FAAH2: variants seen among roughly 807,000 people sequenced by gnomAD.
The protein encoded by FAAH2 is fatty-acid amide hydrolase 2.
Under a neutral mutation model 36.9 loss-of-function variants are expected in FAAH2, and 60 were observed. That is an observed-to-expected ratio of 1.63 (90% CI 1.32 to 2.02). The LOEUF is 2.02. Ranked by LOEUF, FAAH2 falls within the 30% of genes most tolerant of loss-of-function variation. FAAH2 has a pLI of 0.00. For missense variants in FAAH2, 689 were observed against 397.5 expected (o/e 1.73, Z -6.23); for synonymous variants, 214 against 143.8 (o/e 1.49, Z -3.49).
At chrX:57,157,267 T>G in the FAAH2 span, among the ~76,000 whole-genome samples, 5 of 111,582 alleles carry the variant, frequency 4.5e-5, no homozygotes, top group African/African-American at 1.6e-4. Flanking sequence ...TCAATTCCAT[T>G]CCACAGCATC....
intron 2 of FAAH2, among the ~76,000 whole-genome samples, chrX:57,308,545 T>G (rs926626998): frequency 8.9e-6 from 1 of 112,081 alleles, no homozygotes; most frequent in Non-Finnish European, 1.9e-5. Flanking sequence ...CTCTGTTGGA[T>G]GCATAGTTTG....
At chrX:57,383,830 G>C (rs1483067834) in intron 7 of FAAH2, among the ~76,000 whole-genome samples, 2 of 111,691 alleles carry the variant, frequency 1.8e-5, no homozygotes, top group African/African-American at 3.3e-5. Flanking sequence ...CTACTTTGAA[G>C]TTCATATGGA....
chrX:57,293,292 G>T (rs1417466217), intron 2 of FAAH2, among the ~76,000 whole-genome samples: 1 of 111,528 alleles, frequency 9.0e-6, no homozygotes, highest in African/African-American at 3.3e-5. Context: ...TACACATATT[G>T]AAAACCTATC....
At chrX:57,250,640 A>C in the FAAH2 span, among the ~76,000 whole-genome samples, 2 of 110,936 alleles carry the variant, frequency 1.8e-5, no homozygotes, top group East Asian at 5.6e-4. Context: ...ATTTTTGTCT[A>C]CTAAAATAAT....
At chrX:57,418,544 C>A (rs2055909440) in intron 7 of FAAH2, among the ~76,000 whole-genome samples, 1 of 110,698 alleles carries the variant, frequency 9.0e-6, no homozygotes, top group Admixed American at 9.6e-5. Context: ...TTTGGCTCAT[C>A]CTCCATGGGC....
the FAAH2 span, among the ~76,000 whole-genome samples, chrX:57,257,705 T>G: frequency 4.6e-5 from 5 of 108,731 alleles, no homozygotes; most frequent in Non-Finnish European, 9.6e-5. Context: ...AAAAAGAAAA[T>G]AAAATCATAC....
At chrX:57,426,598 A>G (rs2056168609) in intron 7 of FAAH2, among the ~76,000 whole-genome samples, 1 of 111,942 alleles carries the variant, frequency 8.9e-6, no homozygotes, top group African/African-American at 3.2e-5. Context: ...TCCAAAAGGA[A>G]CCCTTGAACT....
the FAAH2 span, among the ~76,000 whole-genome samples, chrX:57,262,000 C>T: frequency 5.4e-5 from 4 of 73,632 alleles, no homozygotes; most frequent in Non-Finnish European, 4.3e-5. Context: ...TTATTGTTTA[C>T]GTGACTTGGT....
intron 2 of FAAH2, among the ~76,000 whole-genome samples, chrX:57,295,914 C>A (rs182639366): frequency 5.3e-5 from 6 of 112,228 alleles, no homozygotes; most frequent in Non-Finnish European, 1.1e-4. Flanking sequence ...GGGGGAGGGG[C>A]GCCTTTGCTC....
At chrX:57,196,763 T>TA in the FAAH2 span, among the ~76,000 whole-genome samples, 1 of 111,505 alleles carries the variant, frequency 9.0e-6, no homozygotes, top group Non-Finnish European at 1.9e-5. Flanking sequence ...CTTTAATCAT[T>TA]AAAAAAATTT....
At chrX:57,197,101 G>C in the FAAH2 span, among the ~76,000 whole-genome samples, 1 of 110,872 alleles carries the variant, frequency 9.0e-6, no homozygotes, top group Non-Finnish European at 1.9e-5. Flanking sequence ...TGTCAAACTG[G>C]GTTAATATGA....
the FAAH2 span, among the ~76,000 whole-genome samples, chrX:57,149,071 G>A: frequency 9.0e-6 from 1 of 111,553 alleles, no homozygotes; most frequent in Non-Finnish European, 1.9e-5. Context: ...TTATTAATTT[G>A]CGTATGTTGA....
chrX:57,266,706 C>T, the FAAH2 span, among the ~76,000 whole-genome samples: 1 of 112,449 alleles, frequency 8.9e-6, no homozygotes, highest in African/African-American at 3.2e-5. Context: ...GGGCCCAGAG[C>T]ACAGACCATC....
At chrX:57,257,347 G>C in the FAAH2 span, among the ~76,000 whole-genome samples, 3 of 111,882 alleles carry the variant, frequency 2.7e-5, no homozygotes, top group Admixed American at 2.8e-4. Flanking sequence ...GTACACCATG[G>C]AATACTATGC....
chrX:57,473,729 ATCT>A (rs895255805), intron 10 of FAAH2, among the ~76,000 whole-genome samples: 8 of 111,701 alleles, frequency 7.2e-5, no homozygotes, highest in African/African-American at 2.6e-4. Context: ...AAATAAATAA[ATCT>A]TCTTTTATTG....
At chrX:57,422,476 A>C (rs1246131539) in intron 7 of FAAH2, among the ~76,000 whole-genome samples, 1 of 112,337 alleles carries the variant, frequency 8.9e-6, no homozygotes, top group Non-Finnish European at 1.9e-5. Flanking sequence ...GAATTCTGCC[A>C]GTTGCTGAGT....
At chrX:57,346,035 T>G (rs1246564236) in intron 5 of FAAH2, among the ~76,000 whole-genome samples, 1 of 111,684 alleles carries the variant, frequency 9.0e-6, no homozygotes, top group African/African-American at 3.2e-5. Context: ...ACTTGCTGTA[T>G]GACCAAACTT....
At chrX:57,457,751 G>C (rs1270517595) in intron 10 of FAAH2, among the ~76,000 whole-genome samples, 3 of 101,354 alleles carry the variant, frequency 3.0e-5, no homozygotes, top group African/African-American at 1.1e-4. Flanking sequence ...ATGAGGTAAA[G>C]ATCTTTACAA....
intron 2 of FAAH2, among the ~76,000 whole-genome samples, chrX:57,298,035 G>C (rs2052215278): frequency 8.6e-5 from 1 of 11,625 alleles, no homozygotes; most frequent in African/African-American, 9.1e-5. Flanking sequence ...GTCAACATTA[G>C]ACGGATCAAC....
Sources: allele counts gnomAD v4.1 joint callset (sites outside exome capture counted in the v4.1 genomes callset), GRCh38; gene constraint gnomAD v4.1.1; transcripts MANE v1.5; gene names NCBI Gene and HGNC (gene_info 2026-07-23, HGNC 2026-07-21).